ACR: variants seen among roughly 807,000 people sequenced by gnomAD.
The protein encoded by ACR is acrosin.
In ACR, 17 loss-of-function variants were observed where a neutral mutation model predicts 26.0. The ratio of observed to expected loss-of-function variants is 0.65; its 90% CI spans 0.45 to 0.98. The LOEUF is 0.98. Among genes scored for constraint, ACR ranks in the 50% least tolerant of loss-of-function variants. The pLI is 0.00. For synonymous variants in ACR, 199 were observed against 207.7 expected (o/e 0.96, Z 0.36); for missense variants, 435 against 519.3 (o/e 0.84, Z 1.58).
intron 3 of ACR, chr22:50,740,744 A>AAC: frequency 2.8e-6 from 2 of 702,376 alleles, no homozygotes; most frequent in East Asian, 5.4e-5. Context: ...TTGCCCATCC[A>AAC]ACACTACCTG....
intron 4 of ACR, 100 bp from the exon 5 acceptor site, chr22:50,744,553 C>T: frequency 6.9e-7 from 1 of 1,455,006 alleles, no homozygotes; most frequent in Non-Finnish European, 9.1e-7. Flanking sequence ...CAGCAGGAGA[C>T]CATGTCACTG....
In ACR at chr22:50,739,374, C is replaced by T. The variant is rs2083413683; in HGVS notation, c.181C>T (p.Gln61Ter). The T allele has an allele frequency of 6.2e-7, 1 of 1,613,800 alleles. No individual in the cohort carries two copies. The highest frequency in any genetic ancestry group is 8.5e-7 in the Non-Finnish European group (1 of 1,179,904). ...GGCCTGGCCCTGGATGGTCAGCCTC[C>T]AGATCTTCACGTACAACAGCCACAG... ...HGAWPWMVSL[Q>*]IFTYNSHRYH... Residue 61 changes from glutamine to a stop codon, truncating the protein, a stop_gained, in exon 2 of 5, where the codon CAG becomes TAG. Transcript: ENST00000216139. LOFTEE classifies it high-confidence loss of function. This position sits in a 1 kb window ranked among gnomAD's most constrained non-coding sequence, Gnocchi z 5.5.
intron 3 of ACR, chr22:50,740,451 C>A (rs2083420350): frequency 3.2e-6 from 2 of 620,992 alleles, no homozygotes; most frequent in Non-Finnish European, 5.8e-6. Flanking sequence ...CAGGGCCCAG[C>A]CTTCCTGCTT....
intron 1 of ACR, 116 bp downstream of exon 1, chr22:50,738,428 T>G (rs1384829051): frequency 1.0e-6 from 1 of 989,666 alleles, no homozygotes; most frequent in Non-Finnish European, 1.5e-6. Context: ...GGACCCCCCC[T>G]GCTCCCAGAA....
intron 3 of ACR, 156 bp downstream of exon 3, chr22:50,740,133 T>C (rs1309354521): frequency 3.1e-6 from 3 of 968,522 alleles, no homozygotes; most frequent in Non-Finnish European, 4.8e-6. Context: ...CACAGTCCCC[T>C]GTGCCAGGTC....
chr22:50,742,932 G>A lies in ACR; in HGVS notation c.566-1129G>A, dbSNP rs531590003. Among the ~76,000 whole-genome samples the A allele has an allele frequency of 3.3e-5, 4 of 121,552 alleles. No individual in the cohort carries two copies. In the East Asian group the frequency reaches 8.4e-4, roughly 26 times the overall value. 79.7% of individuals were successfully genotyped at this position (121,552 alleles called of 152,430 possible). On this transcript the variant is annotated intron_variant, in intron 3 of 4. Transcript: ENST00000216139. ...GGGCCAGAGTGGCTGCTGCTGTTGG[G>A]GACCCTTCTGTCTGTGGGACCCCTT...
intron 3 of ACR, among the ~76,000 whole-genome samples, chr22:50,741,032 C>A (rs982399553): frequency 6.6e-6 from 1 of 152,236 alleles, no homozygotes; most frequent in Non-Finnish European, 1.5e-5. Context: ...GTGACCTATA[C>A]TTCCAGCTTT....
At position 50,739,816 on chromosome 22, in the gene ACR, A is replaced by G. The variant is rs1182784348; in HGVS notation, c.404A>G (p.Asn135Ser). The G allele has an allele frequency of 1.2e-6, 2 of 1,609,642 alleles. No homozygotes were observed. Among genetic ancestry groups the G allele is most frequent in the African/African-American group, 1.3e-5 (1 of 74,656 alleles). ...VEKIIIHEKY[N>S]SATEGNDIAL... ...AAAATCATCATTCATGAAAAATACA[A>G]CTCTGCGACAGAGGGAAATGACATT... Residue 135 changes from asparagine (N) to serine (S), a missense_variant, in exon 3 of 5, where the codon AAC becomes AGC. Asn to Ser is a conservative substitution (Grantham distance 46). This residue lies in a region of ACR where 314 missense variants were observed against 372.0 expected (regional missense o/e 0.84). Transcript: ENST00000216139. This position sits in a 1 kb window ranked among gnomAD's most constrained non-coding sequence, Gnocchi z 5.5.
intron 3 of ACR, among the ~76,000 whole-genome samples, chr22:50,743,129 G>A (rs1173882291): frequency 4.6e-5 from 7 of 150,898 alleles, no homozygotes; most frequent in South Asian, 2.1e-4. Flanking sequence ...TCCGCCTCCC[G>A]GGTTCACGCC....
In ACR at chr22:50,738,290, G is replaced by A. The variant is rs746623562; in HGVS notation, c.55G>A (p.Ala19Thr). The change falls in exon 1 of 5, where the codon GCT (alanine) becomes ACT (threonine). Residue 19 changes from alanine (A) to threonine (T), a missense_variant. Physicochemically the swap from Ala to Thr is moderately conservative, Grantham distance 58 (BLOSUM62 0). Coordinates refer to ENST00000216139, the MANE Select transcript of ACR (RefSeq NM_001097.3). ...GCTGGTCTTGGCAGTGTCCGTGGTTGCTAAAGATAACGCCACGTGTGAGTA... is the reference window on the plus strand; with the variant it reads ...GCTGGTCTTGGCAGTGTCCGTGGTTACTAAAGATAACGCCACGTGTGAGTA... ...ILLVLAVSVVAKDNATCDGPC... is the reference protein window; with the variant it reads ...ILLVLAVSVVTKDNATCDGPC... The A allele has an allele frequency of 6.2e-7, 1 of 1,613,986 alleles. No homozygotes were observed. Among genetic ancestry groups the A allele is most frequent in the Admixed American group, 1.7e-5 (1 of 60,002 alleles).
intron 3 of ACR, chr22:50,740,723 C>T (rs1312498030): frequency 2.8e-6 from 2 of 702,428 alleles, no homozygotes; most frequent in East Asian, 5.4e-5. Context: ...CCCTGGCTCC[C>T]AGAAGATCTC....
chr22:50,740,141 G>A (rs1332649969), intron 3 of ACR, 164 bp downstream of exon 3: 2 of 892,974 alleles, frequency 2.2e-6, no homozygotes, highest in Non-Finnish European at 3.6e-6. Context: ...CCTGTGCCAG[G>A]TCACGTGATG....
Position 50,739,640 on chromosome 22 carries a change from G to C in ACR, c.282-54G>C. The C allele has an allele frequency of 6.5e-7, 1 of 1,541,948 alleles. No homozygotes were observed. The highest frequency in any genetic ancestry group is 8.7e-7 in the Non-Finnish European group (1 of 1,144,610). On this transcript the variant is annotated intron_variant, in intron 2 of 4. Coordinates refer to ENST00000216139, the MANE Select transcript of ACR (RefSeq NM_001097.3). The surrounding 1 kb of genome is among the most constrained non-coding windows in gnomAD (Gnocchi z 5.5). Reference sequence around the variant, plus strand: ...CTAGGGGAAGGCCCTGAGGGTCGCTGTCACCAGGCTTTTGTCCAGCCGGTT... The same window carrying C: ...CTAGGGGAAGGCCCTGAGGGTCGCTCTCACCAGGCTTTTGTCCAGCCGGTT...
chr22:50,744,906 C>T lies in ACR; in HGVS notation c.965C>T (p.Ala322Val). ...CCCCCCTTCTCCCACCCTATCTCTG[C>T]TCACCTTCCTTGGTATTTCCAACCG... ...IRPPFSHPIS[A>V]HLPWYFQPPP... The change falls in exon 5 of 5, where the codon GCT becomes GTT. Residue 322 changes from alanine (A) to valine (V), a missense_variant. Ala to Val is a moderately conservative substitution (Grantham distance 64). Around this residue, in one of 3 missense-constraint regions of ACR, gnomAD observed 92 missense variants for 87.8 expected, o/e 1.05. Transcript: ENST00000216139. 6.3e-7 allele frequency: 1 copy of T among 1,580,648 alleles called. No individual in the cohort carries two copies. The highest frequency in any genetic ancestry group is 8.6e-7 in the Non-Finnish European group (1 of 1,166,350).
At chr22:50,741,569 T>C (rs1351411439) in intron 3 of ACR, among the ~76,000 whole-genome samples, 1 of 151,966 alleles carries the variant, frequency 6.6e-6, no homozygotes, top group African/African-American at 2.4e-5. Flanking sequence ...AAAACCTTTT[T>C]TGTTCTGGAA....
intron 3 of ACR, among the ~76,000 whole-genome samples, chr22:50,742,957 T>C (rs980388203): frequency 5.9e-5 from 9 of 151,496 alleles, no homozygotes; most frequent in African/African-American, 2.2e-4. Flanking sequence ...TGGGACCCCT[T>C]GAAAAGGAGC....
rs752661510 is a variant in ACR, at chr22:50,744,897, C to A, written c.956C>A (p.Pro319His). ...CCGATTCGACCCCCCTTCTCCCACCCTATCTCTGCTCACCTTCCTTGGTAT... is the reference window on the plus strand; with the variant it reads ...CCGATTCGACCCCCCTTCTCCCACCATATCTCTGCTCACCTTCCTTGGTAT... ...PPPIRPPFSH[P>H]ISAHLPWYFQ... The change falls in exon 5 of 5, where the codon CCT (proline) becomes CAT (histidine). Residue 319 changes from proline (P) to histidine (H), a missense_variant. Around this residue, in one of 3 missense-constraint regions of ACR, gnomAD observed 92 missense variants for 87.8 expected, o/e 1.05. Coordinates refer to ENST00000216139, the MANE Select transcript of ACR (RefSeq NM_001097.3). 6.3e-7 allele frequency: 1 copy of A among 1,595,106 alleles called. No homozygotes were observed. The highest frequency in any genetic ancestry group is 8.5e-7 in the Non-Finnish European group (1 of 1,173,466).
At chr22:50,743,912 T>A in intron 3 of ACR, 149 bp from the exon 4 acceptor site, 1 of 723,982 alleles carries the variant, frequency 1.4e-6, no homozygotes, top group Admixed American at 2.3e-5. Context: ...GTCTGCTCTT[T>A]CTGGTGTATA....
In ACR at chr22:50,744,871, C is replaced by T. The variant is rs576958122; in HGVS notation, c.930C>T (p.Pro310=). ...CTCCACCTCCCACCACTCGACCGCCCCCGATTCGACCCCCCTTCTCCCACC... is the reference window on the plus strand; with the variant it reads ...CTCCACCTCCCACCACTCGACCGCCTCCGATTCGACCCCCCTTCTCCCACC... The part of the protein sequence containing the change: ...ATPPPPTTRP[P]PIRPPFSHPI... Residue 310 remains proline, a synonymous_variant, in exon 5 of 5, where the codon CCC becomes CCT. Transcript: ENST00000216139. The T allele has an allele frequency of 2.5e-6, 4 of 1,598,520 alleles. No individual in the cohort carries two copies. The highest frequency in any genetic ancestry group is 2.3e-5 in the East Asian group (1 of 43,830).
Sources: allele counts gnomAD v4.1 joint callset (sites outside exome capture counted in the v4.1 genomes callset), GRCh38; gene constraint gnomAD v4.1.1; regional missense constraint gnomAD v4.1.1; non-coding constraint Gnocchi (gnomAD v3.1); transcripts MANE v1.5; gene names NCBI Gene and HGNC (gene_info 2026-07-23, HGNC 2026-07-21).